Variants in KIF5B observed in about 807,000 individuals in gnomAD.
KIF5B encodes kinesin-1 heavy chain.
In KIF5B, 49 loss-of-function variants were observed where a neutral mutation model predicts 132.8. The ratio of observed to expected loss-of-function variants is 0.37; its 90% CI spans 0.29 to 0.47. KIF5B has a LOEUF of 0.47. KIF5B is among the 20% of genes least tolerant of loss of function. KIF5B has a pLI of 1.00. For synonymous variants in KIF5B, 355 were observed against 369.4 expected, an observed-to-expected ratio of 0.96 and a Z score of 0.45; for missense variants, 780 against 1,144.0, an observed-to-expected ratio of 0.68 and a Z score of 4.59.
chr10:32,054,324 C>T (rs1342929656), intron 1 of KIF5B, among the ~76,000 whole-genome samples: 1 of 152,172 alleles, frequency 6.6e-6, no homozygotes, highest in Non-Finnish European at 1.5e-5. Flanking sequence ...CCGCCTCTGC[C>T]GGGCTATGAT....
rs150931224 is a variant in KIF5B, at chr10:32,035,790, T to TTC, written c.816+98_816+99dup. 4.7e-4 allele frequency: 593 copies of TTC among 1,253,496 alleles called. 4 individuals carry two copies. In the South Asian group the frequency reaches 6.5e-3, roughly 14 times the overall value. The allele number at this position is 1,253,496 out of a possible 1,614,324, so 77.6% of individuals were successfully genotyped here. A position where few individuals can be genotyped will look rare whatever the true frequency, so the allele number is the denominator to read the frequency against. On this transcript the variant is annotated intron_variant, in intron 9 of 25. Transcript: ENST00000302418. The stretch of plus-strand genomic sequence containing the variant: ...AAACACATTGAATCTCAATCTCTCT[T>TTC]TCTCTCTCTCTCTCTCATACACACC...
intron 2 of KIF5B, among the ~76,000 whole-genome samples, chr10:32,043,378 A>C (rs1013158840): frequency 5.3e-5 from 8 of 152,238 alleles, no homozygotes; most frequent in African/African-American, 1.9e-4. Flanking sequence ...CTTGCCTGTA[A>C]CTCCACAGCT....
chr10:32,043,859 G>A (rs1841575561), intron 2 of KIF5B, among the ~76,000 whole-genome samples: 1 of 152,086 alleles, frequency 6.6e-6, no homozygotes, highest in African/African-American at 2.4e-5. Flanking sequence ...GTCATTACTG[G>A]CAACTTGCTC....
chr10:32,049,976 C>T (rs898998772), intron 1 of KIF5B, among the ~76,000 whole-genome samples: 50 of 151,820 alleles, frequency 3.3e-4, no homozygotes, highest in African/African-American at 1.1e-3. Context: ...TAAATGCTTG[C>T]AGGAACAATT....
At chr10:32,023,590 C>A (rs1841293381) in intron 15 of KIF5B, among the ~76,000 whole-genome samples, 1 of 88,824 alleles carries the variant, frequency 1.1e-5, no homozygotes, top group Admixed American at 1.1e-4. Flanking sequence ...ACACTAAGGA[C>A]AAACAAAGTC....
chr10:32,044,094 C>T (rs956043857), intron 2 of KIF5B, among the ~76,000 whole-genome samples: 1 of 152,204 alleles, frequency 6.6e-6, no homozygotes, highest in Admixed American at 6.5e-5. Flanking sequence ...TTATTGGTAA[C>T]TCTGCCACAT....
chr10:32,017,957 C>A, intron 23 of KIF5B, 95 bp downstream of exon 23: 1 of 586,064 alleles, frequency 1.7e-6, no homozygotes, highest in Non-Finnish European at 3.0e-6. Flanking sequence ...TATAAAAATT[C>A]CTGAGGACTC....
At chr10:32,031,399 A>G in intron 13 of KIF5B, 120 bp from the exon 14 acceptor site, 2 of 726,304 alleles carry the variant, frequency 2.8e-6, no homozygotes, top group Non-Finnish European at 4.6e-6. Context: ...TCAGTGTGGC[A>G]ACATTTATTC....
chr10:32,021,672 A>T (rs938751330), intron 17 of KIF5B, among the ~76,000 whole-genome samples: 9 of 151,490 alleles, frequency 5.9e-5, no homozygotes, highest in African/African-American at 1.5e-4. Flanking sequence ...AAATCTTAAA[A>T]ATATATATAT....
chr10:32,031,282 A>G lies in KIF5B; in HGVS notation c.1375-3T>C, dbSNP rs1337069175. 9.9e-6 allele frequency: 16 copies of G among 1,611,102 alleles called. No homozygotes were observed. Among genetic ancestry groups the G allele is most frequent in the Non-Finnish European group, 1.4e-5 (16 of 1,177,966 alleles). On this transcript the variant is annotated splice_polypyrimidine_tract_variant and splice_region_variant and intron_variant, in intron 13 of 25. Coordinates refer to ENST00000302418, the MANE Select transcript of KIF5B (RefSeq NM_004521.3). ...TCCCTTCTGGTAGATGCCAAAAGCT[A>G]TAGGACAGAAAATAATTTATTTTCC...
chr10:32,016,068 T>C (rs1299730199), intron 24 of KIF5B, among the ~76,000 whole-genome samples: 1 of 151,874 alleles, frequency 6.6e-6, no homozygotes, highest in Non-Finnish European at 1.5e-5. Context: ...TGCATGACCC[T>C]GGGAGGCTGG....
At position 32,021,141 on chromosome 10, in the gene KIF5B, TG is replaced by T. The variant is rs750960739; in HGVS notation, c.2095-11del. ...GCTGTTCAACAGCTTGCTAAAATTT[TG>T]GGGGGGAAAAGGATGTTAAAGTCAG... On this transcript the variant is annotated splice_polypyrimidine_tract_variant and intron_variant, in intron 18 of 25. Transcript: ENST00000302418. The T allele has an allele frequency of 1.2e-6, 2 of 1,611,434 alleles. No homozygotes were observed.
intron 18 of KIF5B, 21 bp downstream of exon 18, chr10:32,021,205 G>C (rs1841254171): frequency 6.2e-7 from 1 of 1,610,118 alleles, no homozygotes; most frequent in Non-Finnish European, 8.5e-7. Context: ...AAAGCTGTTA[G>C]AAATGTGACA....
Position 32,039,526 on chromosome 10 carries a change from C to G in KIF5B, c.289-95G>C, listed in dbSNP as rs1445067227. The G allele has an allele frequency of 6.1e-6, 4 of 652,708 alleles. No homozygotes were observed. The African/African-American group carries it at 7.7e-5, about 13-fold the overall frequency. The allele number at this position is 652,708 out of a possible 1,614,324, so 40.4% of individuals were successfully genotyped here. On this transcript the variant is annotated intron_variant, in intron 3 of 25. Coordinates refer to ENST00000302418, the MANE Select transcript of KIF5B (RefSeq NM_004521.3). Reference sequence around the variant, plus strand: ...TCTACAACTTATAGTCAAGAAAGGACAGGAACTATATTTTTGTGGAAACGG... The same window carrying G: ...TCTACAACTTATAGTCAAGAAAGGAGAGGAACTATATTTTTGTGGAAACGG...
chr10:32,037,624 A>T lies in KIF5B; in HGVS notation c.499-17T>A, dbSNP rs761404367. The T allele has an allele frequency of 4.5e-6, 7 of 1,563,314 alleles. No individual in the cohort carries two copies. The highest frequency in any genetic ancestry group is 1.4e-5 in the African/African-American group (1 of 73,744). Reference sequence around the variant, plus strand: ...TGTGCACCCCTGTGAAATAATTTTTAAAAATATGTTAATGTCTGGCCAACA... The same window carrying T: ...TGTGCACCCCTGTGAAATAATTTTTTAAAATATGTTAATGTCTGGCCAACA... On this transcript the variant is annotated splice_polypyrimidine_tract_variant and intron_variant, in intron 6 of 25. Coordinates refer to ENST00000302418, the MANE Select transcript of KIF5B (RefSeq NM_004521.3).
At chr10:32,019,991 T>G (rs765868855) in intron 19 of KIF5B, 32 bp from the exon 20 acceptor site, 2 of 1,349,806 alleles carry the variant, frequency 1.5e-6, no homozygotes, top group Non-Finnish European at 1.0e-6. Flanking sequence ...TAACACAGTA[T>G]CAATATCACA....
chr10:32,011,929 TA>T lies in KIF5B; in HGVS notation c.*21-414del, dbSNP rs146662607. Among the ~76,000 whole-genome samples the T allele has an allele frequency of 3.8e-4, 56 of 147,732 alleles. 1 individual carries two copies. Among genetic ancestry groups the T allele is most frequent in the Non-Finnish European group, 2.5e-4 (17 of 66,748 alleles). On this transcript the variant is annotated intron_variant, in intron 25 of 25. Transcript: ENST00000302418. ...CTACTAGTTATATACATAGAAGCTTTAAAAAAAAAAGGGGGAGAGGAATAGG... is the reference window on the plus strand; with the variant it reads ...CTACTAGTTATATACATAGAAGCTTTAAAAAAAAAGGGGGAGAGGAATAGG...
At chr10:32,027,720 A>T (rs541946540) in intron 15 of KIF5B, among the ~76,000 whole-genome samples, 1 of 151,710 alleles carries the variant, frequency 6.6e-6, no homozygotes, top group East Asian at 1.9e-4. Context: ...CAGTCTCTTA[A>T]AATAGCTGGG....
chr10:32,030,594 G>A (rs1841391128), intron 14 of KIF5B, among the ~76,000 whole-genome samples: 2 of 151,794 alleles, frequency 1.3e-5, no homozygotes, highest in South Asian at 2.1e-4. Context: ...TAGTGGAAAT[G>A]TAACAGTAAG....
Sources: gnomAD v4.1 joint callset for allele counts (sites outside exome capture counted in the v4.1 genomes callset) on GRCh38, gnomAD v4.1.1 for gene constraint, MANE v1.5 for transcripts, NCBI Gene and HGNC (gene_info 2026-07-23, HGNC 2026-07-21) for gene names.